Variants in ACER3 observed in about 807,000 individuals in gnomAD.
The protein encoded by ACER3 is alkaline ceramidase 3.
A neutral mutation model predicts 48.9 loss-of-function variants in ACER3; 16 were observed. The ratio of observed to expected loss-of-function variants is 0.33; its 90% CI spans 0.22 to 0.50. The LOEUF is 0.50. ACER3 is among the 20% of genes least tolerant of loss of function. The pLI is 0.98. For missense variants in ACER3, 227 were observed against 326.0 expected (o/e 0.70, Z 2.34); for synonymous variants, 109 against 107.8 (o/e 1.01, Z -0.07).
At chr11:76,919,729 A>G (rs953405176) in intron 1 of ACER3, among the ~76,000 whole-genome samples, 1 of 152,148 alleles carries the variant, frequency 6.6e-6, no homozygotes, top group African/African-American at 2.4e-5. Context: ...TCTACCATTC[A>G]TCTTTTTAAT....
At chr11:76,876,896 A>G (rs1246568321) in intron 1 of ACER3, among the ~76,000 whole-genome samples, 1 of 152,204 alleles carries the variant, frequency 6.6e-6, no homozygotes, top group Non-Finnish European at 1.5e-5. Context: ...ATGAGAGGTA[A>G]TAATAAATTT....
intron 3 of ACER3, among the ~76,000 whole-genome samples, chr11:76,968,571 C>T (rs1323550606): frequency 6.6e-6 from 1 of 152,294 alleles, no homozygotes; most frequent in South Asian, 2.1e-4. Flanking sequence ...ACCAAAACAG[C>T]CTGGTACTGG....
intron 1 of ACER3, among the ~76,000 whole-genome samples, chr11:76,869,092 C>T (rs1307387397): frequency 6.6e-6 from 1 of 152,184 alleles, no homozygotes; most frequent in Non-Finnish European, 1.5e-5. Flanking sequence ...GGACTTGGGA[C>T]AGATGTCTGA....
intron 2 of ACER3, among the ~76,000 whole-genome samples, chr11:76,928,476 T>C (rs1346267123): frequency 6.6e-6 from 1 of 152,248 alleles, no homozygotes; most frequent in Non-Finnish European, 1.5e-5. Context: ...TTAGATCCCA[T>C]TTGTCAATTT....
intron 9 of ACER3, among the ~76,000 whole-genome samples, chr11:77,018,995 GGAA>G (rs781936091): frequency 1.3e-5 from 2 of 152,132 alleles, no homozygotes; most frequent in African/African-American, 2.4e-5. Context: ...GCCTTCTATT[GGAA>G]GAAGATACCA....
chr11:77,016,910 C>G (rs1949383231), intron 9 of ACER3, 131 bp downstream of exon 9: 2 of 471,682 alleles, frequency 4.2e-6, no homozygotes, highest in Non-Finnish European at 7.3e-6. Flanking sequence ...ATAGTACACT[C>G]TTGAACAACC....
At chr11:76,880,256 C>A (rs541207334) in intron 1 of ACER3, among the ~76,000 whole-genome samples, 2 of 152,160 alleles carry the variant, frequency 1.3e-5, no homozygotes, top group South Asian at 4.1e-4. Flanking sequence ...GATTTTAGAT[C>A]TTTCTTTGTT....
intron 9 of ACER3, among the ~76,000 whole-genome samples, chr11:77,018,902 C>T (rs1182427620): frequency 6.6e-6 from 1 of 152,214 alleles, no homozygotes; most frequent in Non-Finnish European, 1.5e-5. Flanking sequence ...GGTGAAGCTG[C>T]AGCAAGTTAT....
intron 1 of ACER3, among the ~76,000 whole-genome samples, chr11:76,908,278 G>T (rs146079302): frequency 2.6e-5 from 4 of 152,128 alleles, no homozygotes; most frequent in African/African-American, 9.7e-5. Flanking sequence ...TGTATATTTA[G>T]AAATAGTATG....
chr11:76,998,115 TTA>T (rs2135256811), intron 6 of ACER3, among the ~76,000 whole-genome samples: 1 of 152,290 alleles, frequency 6.6e-6, no homozygotes, highest in African/African-American at 2.4e-5. Context: ...ACTATTGGCT[TTA>T]TATGTATTTG....
At chr11:76,963,406 T>C (rs1386197003) in intron 3 of ACER3, among the ~76,000 whole-genome samples, 1 of 151,468 alleles carries the variant, frequency 6.6e-6, no homozygotes, top group Non-Finnish European at 1.5e-5. Flanking sequence ...TATTAAACTT[T>C]TCCTCCAACC....
chr11:77,005,580 A>C (rs561207219), intron 7 of ACER3, among the ~76,000 whole-genome samples: 1 of 152,210 alleles, frequency 6.6e-6, no homozygotes, highest in East Asian at 1.9e-4. Context: ...CTCTGAGACC[A>C]GTTGGGAAAT....
At position 77,019,740 on chromosome 11, in the gene ACER3, A is replaced by G; in HGVS notation, c.714A>G (p.Thr238=). 1 of 1,614,124 alleles carries G rather than the reference A, an allele frequency of 6.2e-7. No individual in the cohort carries two copies. The highest frequency in any genetic ancestry group is 2.2e-5 in the East Asian group (1 of 44,874). ...CCCACTTTTCTTTCAGTTTGTATAC[A>G]AGAACACTTTACCTGAGATATAGGC... is the stretch of plus-strand genomic sequence containing the variant. ...SYLHILFSLY[T]RTLYLRYRPK... Residue 238 remains threonine, a synonymous_variant, in exon 10 of 11, where the codon ACA becomes ACG. Transcript: ENST00000532485.
In ACER3 at chr11:77,024,995, A is replaced by G. The variant is rs1949529684; in HGVS notation, c.*4668A>G. ...ACTGCTCTGCATACAGTTCCTTTTC[A>G]ACCCTTACAAGACCTGCTTCATTGC... On this transcript the variant is annotated 3_prime_UTR_variant, in exon 11 of 11. Transcript: ENST00000532485. 1 of 152,210 alleles carries G rather than the reference A, an allele frequency of 6.6e-6. No homozygotes were observed. The highest frequency in any genetic ancestry group is 6.5e-5 in the Admixed American group (1 of 15,286). The allele number at this position is 152,210 out of a possible 1,614,324, so 9.4% of individuals were successfully genotyped here. A position where few individuals can be genotyped will look rare whatever the true frequency, so the allele number is the denominator to read the frequency against.
intron 1 of ACER3, among the ~76,000 whole-genome samples, chr11:76,921,189 G>T (rs6592682): frequency 0.72 from 109,943 of 152,006 alleles, 40,162 homozygotes; most frequent in African/African-American, 0.78. Context: ...ATGTCCTACT[G>T]AAAAAAATCA....
chr11:76,883,941 T>C (rs1230376433), intron 1 of ACER3, among the ~76,000 whole-genome samples: 1 of 152,196 alleles, frequency 6.6e-6, no homozygotes, highest in African/African-American at 2.4e-5. Context: ...TCTAGAGTTG[T>C]TGTCTTTATT....
At chr11:76,880,034 G>A (rs369424424) in intron 1 of ACER3, among the ~76,000 whole-genome samples, 3 of 151,986 alleles carry the variant, frequency 2.0e-5, no homozygotes, top group Non-Finnish European at 2.9e-5. Flanking sequence ...GGGTAACTCT[G>A]TTCTTTCATT....
chr11:77,011,005 C>CA (rs1322230554), intron 7 of ACER3, among the ~76,000 whole-genome samples: 5 of 152,240 alleles, frequency 3.3e-5, no homozygotes, highest in Middle Eastern at 3.4e-3. Flanking sequence ...GAGAGTACTA[C>CA]AAAAAGGACG....
At chr11:76,931,457 C>G (rs1264308844) in intron 2 of ACER3, among the ~76,000 whole-genome samples, 2 of 151,766 alleles carry the variant, frequency 1.3e-5, no homozygotes, top group African/African-American at 2.4e-5. Context: ...AGCATTTAGC[C>G]CATTTACGTT....
Sources: gnomAD v4.1 joint callset for allele counts (sites outside exome capture counted in the v4.1 genomes callset) on GRCh38, gnomAD v4.1.1 for gene constraint, MANE v1.5 for transcripts, NCBI Gene and HGNC (gene_info 2026-07-23, HGNC 2026-07-21) for gene names.